Variants in IRF5 observed in about 807,000 individuals in gnomAD.
The protein encoded by IRF5 is interferon regulatory factor 5.
IRF5 carries 24 observed loss-of-function variants against 55.1 expected under a neutral mutation model. The ratio of observed to expected loss-of-function variants is 0.44; its 90% CI spans 0.32 to 0.61. IRF5 has a LOEUF of 0.61. Ranked by LOEUF, IRF5 falls within the 20% of genes least tolerant of loss-of-function variation. The pLI is 0.07. For synonymous variants in IRF5, 258 were observed against 260.2 expected, an observed-to-expected ratio of 0.99 and a Z score of 0.08; for missense variants, 499 against 658.5, an observed-to-expected ratio of 0.76 and a Z score of 2.65.
rs1796051908 is a variant in IRF5 at position 128,942,052 on chromosome 7, C to G, written c.-11-19C>G. ...CACCTGCAGACCTGCTGAGGCTCCC[C>G]TCTGGCTTTCTCCTGCAGACCCCTC... is the stretch of plus-strand genomic sequence containing the variant. On this transcript the variant is annotated intron_variant, in intron 1 of 8. Transcript: ENST00000357234. 3.8e-6 allele frequency: 6 copies of G among 1,572,286 alleles called. No homozygotes were observed. Among genetic ancestry groups the G allele is most frequent in the Non-Finnish European group, 5.2e-6 (6 of 1,157,292 alleles).
chr7:128,942,013 A>T, intron 1 of IRF5, 58 bp from the exon 2 acceptor site: 2 of 1,365,804 alleles, frequency 1.5e-6, no homozygotes, highest in Non-Finnish European at 2.0e-6. Flanking sequence ...ACCTCTGAGT[A>T]CCCTGTCCCC....
chr7:128,945,427 C>T (rs533976743), intron 2 of IRF5, among the ~76,000 whole-genome samples: 5 of 152,280 alleles, frequency 3.3e-5, no homozygotes, highest in East Asian at 1.9e-4. Flanking sequence ...CTTGAGTCTT[C>T]GCTGCCACTC....
At chr7:128,939,529 G>C (rs1384498297) in intron 1 of IRF5, among the ~76,000 whole-genome samples, 2 of 152,110 alleles carry the variant, frequency 1.3e-5, no homozygotes, top group African/African-American at 4.8e-5. Flanking sequence ...CTGGGTGTGG[G>C]TTTGCAAGGA....
chr7:128,949,889 C>T lies in IRF5; in HGVS notation c.*1071C>T, dbSNP rs933588361. The T allele has an allele frequency of 1.3e-5, 2 of 152,200 alleles. No individual in the cohort carries two copies. The highest frequency in any genetic ancestry group is 4.8e-5 in the African/African-American group (2 of 41,426). The allele number at this position is 152,200 out of a possible 1,614,324, so 9.4% of individuals were successfully genotyped here. On this transcript the variant is annotated 3_prime_UTR_variant, in exon 9 of 9. Coordinates refer to ENST00000357234, the MANE Select transcript of IRF5 (RefSeq NM_001098629.3). Reference sequence around the variant, plus strand: ...GCCTGGCACCTACCCGCTCTCACTTCATCTGTGTCATCTCTGCACACTCCA... The same window carrying T: ...GCCTGGCACCTACCCGCTCTCACTTTATCTGTGTCATCTCTGCACACTCCA...
At chr7:128,945,507 G>A (rs957343104) in intron 2 of IRF5, among the ~76,000 whole-genome samples, 26 of 152,152 alleles carry the variant, frequency 1.7e-4, no homozygotes, top group Non-Finnish European at 2.5e-4. Flanking sequence ...CACAGCTGGC[G>A]GGGGGCACTT....
In IRF5 at chr7:128,948,557, C is replaced by T; in HGVS notation, c.1300-16C>T. 1 of 1,612,856 alleles carries T rather than the reference C, an allele frequency of 6.2e-7. No individual in the cohort carries two copies. Among genetic ancestry groups the T allele is most frequent in the Non-Finnish European group, 8.5e-7 (1 of 1,179,918 alleles). ...TGCCACAGGTCTCCCTGTCTCATCTCCTCTTTGCCTCCCAGGTGGTGCCTG... is the reference window on the plus strand; with the variant it reads ...TGCCACAGGTCTCCCTGTCTCATCTTCTCTTTGCCTCCCAGGTGGTGCCTG... On this transcript the variant is annotated splice_polypyrimidine_tract_variant and intron_variant, in intron 8 of 8. Transcript: ENST00000357234. This position sits in a 1 kb window ranked among gnomAD's most constrained non-coding sequence, Gnocchi z 4.6.
Position 128,947,625 on chromosome 7 carries a change from G to A in IRF5, c.787+90G>A. 6.6e-7 allele frequency: 1 copy of A among 1,510,784 alleles called. No individual in the cohort carries two copies. Among genetic ancestry groups the A allele is most frequent in the South Asian group, 1.3e-5 (1 of 78,050 alleles). 93.6% of individuals were successfully genotyped at this position (1,510,784 alleles called of 1,614,324 possible). A position where few individuals can be genotyped will look rare whatever the true frequency, so the allele number is the denominator to read the frequency against. On this transcript the variant is annotated intron_variant, in intron 6 of 8. Transcript: ENST00000357234. This position sits in a 1 kb window ranked among gnomAD's most constrained non-coding sequence, Gnocchi z 6.5. ...GGTGGAGGGTGCTGGACTCCCTTGG[G>A]TGGGAAAAGTGGGAGGGCGGATGGG...
Position 128,948,196 on chromosome 7 carries a change from T to G in IRF5, c.1181-14T>G. Reference sequence around the variant, plus strand: ...GGTTCCAGCCTCTGACTAGGGACCTTGATTTTGATGCAGAGCTCATCCTGT... The same window carrying G: ...GGTTCCAGCCTCTGACTAGGGACCTGGATTTTGATGCAGAGCTCATCCTGT... On this transcript the variant is annotated splice_polypyrimidine_tract_variant and intron_variant, in intron 7 of 8. Transcript: ENST00000357234. This position sits in a 1 kb window ranked among gnomAD's most constrained non-coding sequence, Gnocchi z 4.6. 1 of 1,612,048 alleles carries G rather than the reference T, an allele frequency of 6.2e-7. No individual in the cohort carries two copies.
intron 2 of IRF5, among the ~76,000 whole-genome samples, chr7:128,945,051 C>T (rs1051527962): frequency 2.0e-5 from 3 of 152,212 alleles, no homozygotes; most frequent in African/African-American, 7.2e-5. Context: ...ATAATACCAA[C>T]AGCTCCAGTG....
chr7:128,941,345 G>C (rs1796009796), intron 1 of IRF5: 1 of 152,498 alleles, frequency 6.6e-6, no homozygotes, highest in Non-Finnish European at 1.5e-5. Context: ...TGTCCAGTGG[G>C]AGGAGAAGGG....
At position 128,948,991 on chromosome 7, in the gene IRF5, C is replaced by G; in HGVS notation, c.*173C>G. ...AGAAAGGCCCGAGCCCCTGCCTTCC[C>G]GGGCCTTTCTCTCCTGGGCTGTCTC... is the stretch of plus-strand genomic sequence containing the variant. On this transcript the variant is annotated 3_prime_UTR_variant, in exon 9 of 9. Coordinates refer to ENST00000357234, the MANE Select transcript of IRF5 (RefSeq NM_001098629.3). This position sits in a 1 kb window ranked among gnomAD's most constrained non-coding sequence, Gnocchi z 4.6. 2.7e-6 allele frequency: 2 copies of G among 733,874 alleles called. No individual in the cohort carries two copies. Among genetic ancestry groups the G allele is most frequent in the Non-Finnish European group, 4.4e-6 (2 of 459,546 alleles). 45.5% of individuals were successfully genotyped at this position (733,874 alleles called of 1,614,324 possible). A position where few individuals can be genotyped will look rare whatever the true frequency, so the allele number is the denominator to read the frequency against.
rs1440813140 is a variant in IRF5, at chr7:128,948,995, C to G, written c.*177C>G. 5.7e-6 allele frequency: 4 copies of G among 704,186 alleles called. No homozygotes were observed. Among genetic ancestry groups the G allele is most frequent in the African/African-American group, 1.8e-5 (1 of 55,836 alleles). The allele number at this position is 704,186 out of a possible 1,614,324, so 43.6% of individuals were successfully genotyped here. Reference sequence around the variant, plus strand: ...AGGCCCGAGCCCCTGCCTTCCCGGGCCTTTCTCTCCTGGGCTGTCTCTGGT... The same window carrying G: ...AGGCCCGAGCCCCTGCCTTCCCGGGGCTTTCTCTCCTGGGCTGTCTCTGGT... On this transcript the variant is annotated 3_prime_UTR_variant, in exon 9 of 9. Coordinates refer to ENST00000357234, the MANE Select transcript of IRF5 (RefSeq NM_001098629.3). The surrounding 1 kb of genome is among the most constrained non-coding windows in gnomAD (Gnocchi z 4.6).
Position 128,946,049 on chromosome 7 carries a change from CCTCTG to C in IRF5, c.385+16_385+20del. 1 of 1,566,690 alleles carries C rather than the reference CCTCTG, an allele frequency of 6.4e-7. No individual in the cohort carries two copies. The highest frequency in any genetic ancestry group is 2.3e-5 in the East Asian group (1 of 44,054). On this transcript the variant is annotated intron_variant, in intron 3 of 8. Transcript: ENST00000357234. This position sits in a 1 kb window ranked among gnomAD's most constrained non-coding sequence, Gnocchi z 4.2. The stretch of plus-strand genomic sequence containing the variant: ...TGCTCCCACAGGTATCAGGCCTAGC[CCTCTG>C]TGGGCCACCTGGGAGGCTGTGCAAT...
rs1028737323 is a variant in IRF5, at chr7:128,948,927, G to C, written c.*109G>C. ...TGGCTGGCTGCAGGGTCCTACCTCT[G>C]GGTTTCCTGGAAGTGGATTTGGGCC... is the stretch of plus-strand genomic sequence containing the variant. On this transcript the variant is annotated 3_prime_UTR_variant, in exon 9 of 9. Transcript: ENST00000357234. The surrounding 1 kb of genome is among the most constrained non-coding windows in gnomAD (Gnocchi z 4.6). 3 of 1,365,830 alleles carry C rather than the reference G, an allele frequency of 2.2e-6. No individual in the cohort carries two copies. The African/African-American group carries it at 4.3e-5, about 20-fold the overall frequency. The allele number at this position is 1,365,830 out of a possible 1,614,324, so 84.6% of individuals were successfully genotyped here.
rs1383231055 is a variant in IRF5 at position 128,948,038 on chromosome 7, G to T, written c.1097G>T (p.Cys366Phe). 1 of 1,614,056 alleles carries T rather than the reference G, an allele frequency of 6.2e-7. No individual in the cohort carries two copies. Among genetic ancestry groups the T allele is most frequent in the Non-Finnish European group, 8.5e-7 (1 of 1,180,036 alleles). Residue 366 changes from cysteine to phenylalanine, a missense_variant, in exon 7 of 9, where the codon TGT becomes TTT. Physicochemically the swap from Cys to Phe is radical, Grantham distance 205. Coordinates refer to ENST00000357234, the MANE Select transcript of IRF5 (RefSeq NM_001098629.3). The surrounding 1 kb of genome is among the most constrained non-coding windows in gnomAD (Gnocchi z 4.6). Reference sequence around the variant, plus strand: ...TGCAAGGTGTTCTGGAGCGGGCCTTGTGCCTCAGCCCATGACTCATGCCCC... The same window carrying T: ...TGCAAGGTGTTCTGGAGCGGGCCTTTTGCCTCAGCCCATGACTCATGCCCC... ...CQCKVFWSGP[C>F]ASAHDSCPNP...
At position 128,942,191 on chromosome 7, in the gene IRF5, A is replaced by T; in HGVS notation, c.110A>T (p.Asn37Ile). The T allele has an allele frequency of 6.2e-7, 1 of 1,614,108 alleles. No individual in the cohort carries two copies. The highest frequency in any genetic ancestry group is 8.5e-7 in the Non-Finnish European group (1 of 1,179,990). The change falls in exon 2 of 9, where the codon AAC becomes ATC. Residue 37 changes from asparagine to isoleucine, a missense_variant. Physicochemically the swap from Asn to Ile is moderately radical, Grantham distance 149 (BLOSUM62 -3). Coordinates refer to ENST00000357234, the MANE Select transcript of IRF5 (RefSeq NM_001098629.3). ...SCQYPGLQWVNGEKKLFCIPW... is the reference protein window; with the variant it reads ...SCQYPGLQWVIGEKKLFCIPW... Reference sequence around the variant, plus strand: ...CAGTACCCAGGGCTTCAATGGGTCAACGGGGAAAAGAAATTATTCTGCATC... The same window carrying T: ...CAGTACCCAGGGCTTCAATGGGTCATCGGGGAAAAGAAATTATTCTGCATC...
At position 128,948,420 on chromosome 7, in the gene IRF5, C is replaced by G; in HGVS notation, c.1299+92C>G. The G allele has an allele frequency of 6.8e-7, 1 of 1,467,372 alleles. No individual in the cohort carries two copies. The highest frequency in any genetic ancestry group is 9.3e-7 in the Non-Finnish European group (1 of 1,074,910). 90.9% of individuals were successfully genotyped at this position (1,467,372 alleles called of 1,614,324 possible). A position where few individuals can be genotyped will look rare whatever the true frequency, so the allele number is the denominator to read the frequency against. On this transcript the variant is annotated intron_variant, in intron 8 of 8. Coordinates refer to ENST00000357234, the MANE Select transcript of IRF5 (RefSeq NM_001098629.3). The surrounding 1 kb of genome is among the most constrained non-coding windows in gnomAD (Gnocchi z 4.6). ...GCCCCAGGCTGGAGGCTCAGGGCTC[C>G]CTGAGCAGTGTGAACTTGGCGGCCA...
Position 128,948,484 on chromosome 7 carries a change from TACTC to T in IRF5, c.1300-86_1300-83del. ...CTCAGAGCCGGAGAATGCGGTCTATTACTCACCCCTGATGGCTGTCCTCATGCAC... is the reference window on the plus strand; with the variant it reads ...CTCAGAGCCGGAGAATGCGGTCTATTACCCCTGATGGCTGTCCTCATGCAC... On this transcript the variant is annotated intron_variant, in intron 8 of 8. Coordinates refer to ENST00000357234, the MANE Select transcript of IRF5 (RefSeq NM_001098629.3). This position sits in a 1 kb window ranked among gnomAD's most constrained non-coding sequence, Gnocchi z 4.6. 4 of 1,554,994 alleles carry T rather than the reference TACTC, an allele frequency of 2.6e-6. No homozygotes were observed. Among genetic ancestry groups the T allele is most frequent in the Non-Finnish European group, 3.5e-6 (4 of 1,143,668 alleles).
At position 128,946,238 on chromosome 7, in the gene IRF5, G is replaced by C. The variant is rs1348754324; in HGVS notation, c.385+204G>C. Among the ~76,000 whole-genome samples, 1 of 152,236 alleles carries C rather than the reference G, an allele frequency of 6.6e-6. No individual in the cohort carries two copies. The highest frequency in any genetic ancestry group is 1.5e-5 in the Non-Finnish European group (1 of 68,040). On this transcript the variant is annotated intron_variant, in intron 3 of 8. Transcript: ENST00000357234. This position sits in a 1 kb window ranked among gnomAD's most constrained non-coding sequence, Gnocchi z 4.2. ...GTCACTGGCATATCAGGAATGGCTT[G>C]GCGTGCAGTCAGGGACCTGGGTGCT...
Sources: gnomAD v4.1 joint callset for allele counts (sites outside exome capture counted in the v4.1 genomes callset) on GRCh38, gnomAD v4.1.1 for gene constraint, Gnocchi (gnomAD v3.1) non-coding constraint, MANE v1.5 for transcripts, NCBI Gene and HGNC (gene_info 2026-07-23, HGNC 2026-07-21) for gene names.